Variants in ADAMTS6 observed in about 807,000 individuals in gnomAD.
ADAMTS6 encodes ADAM metallopeptidase with thrombospondin type 1 motif 6, also known as A disintegrin and metalloproteinase with thrombospondin motifs 6.
Under a neutral mutation model 144.3 loss-of-function variants are expected in ADAMTS6, and 23 were observed. That is an observed-to-expected ratio of 0.16 (90% CI 0.11 to 0.23). The LOEUF (loss-of-function observed/expected upper bound fraction) is 0.23, where lower values mean the gene tolerates loss of function less well. Among genes scored for constraint, ADAMTS6 ranks in the 10% least tolerant of loss-of-function variants. ADAMTS6 has a pLI of 1.00. For missense variants in ADAMTS6, 999 were observed against 1,379.6 expected (o/e 0.72, Z 4.37); for synonymous variants, 444 against 457.5 (o/e 0.97, Z 0.38).
intron 24 of ADAMTS6, 88 bp downstream of exon 24, chr5:65,170,529 G>A: frequency 6.9e-7 from 1 of 1,456,486 alleles, no homozygotes; most frequent in South Asian, 1.3e-5. Context: ...CTACACTACA[G>A]TAGTGGGTTT....
chr5:65,192,256 G>C (rs1241395095), intron 21 of ADAMTS6, among the ~76,000 whole-genome samples: 2 of 152,014 alleles, frequency 1.3e-5, no homozygotes, highest in Non-Finnish European at 2.9e-5. Flanking sequence ...GTACTTAACA[G>C]ATTTTGTCTT....
intron 18 of ADAMTS6, among the ~76,000 whole-genome samples, chr5:65,222,252 G>A (rs79514178): frequency 0.046 from 7,006 of 152,280 alleles, 209 homozygotes; most frequent in Middle Eastern, 0.078. Context: ...ACAGTGTGGT[G>A]TTGGTTTAAG....
chr5:65,422,465 T>A lies in ADAMTS6; in HGVS notation c.1073+29010A>T, dbSNP rs138794397. Among the ~76,000 whole-genome samples the A allele has an allele frequency of 2.4e-3, 369 of 152,056 alleles. 3 individuals are homozygous for A. Among genetic ancestry groups the A allele is most frequent in the African/African-American group, 8.6e-3 (358 of 41,526 alleles). ...GGTGAAACCCTGTTGCTACTAAAAA[T>A]ACAAAAATTAGTTGGGTGTGGTGGC... On this transcript the variant is annotated intron_variant, in intron 7 of 24. Coordinates refer to ENST00000381055, the MANE Select transcript of ADAMTS6 (RefSeq NM_197941.4).
At chr5:65,398,850 AAAAG>A (rs143026830) in intron 7 of ADAMTS6, among the ~76,000 whole-genome samples, 12 of 133,824 alleles carry the variant, frequency 9.0e-5, no homozygotes, top group East Asian at 7.1e-4. Flanking sequence ...GAAAGAAAGA[AAAAG>A]AAAGAGAAAG....
intron 9 of ADAMTS6, among the ~76,000 whole-genome samples, chr5:65,327,173 C>T (rs991884170): frequency 5.9e-5 from 9 of 152,142 alleles, no homozygotes; most frequent in Non-Finnish European, 1.0e-4. Flanking sequence ...ATGTGGTGCA[C>T]TGGCTCCTGC....
chr5:65,227,084 A>C (rs192174672), intron 15 of ADAMTS6, among the ~76,000 whole-genome samples: 500 of 152,338 alleles, frequency 3.3e-3, no homozygotes, highest in Non-Finnish European at 5.4e-3. Flanking sequence ...CATGGATATA[A>C]ATTTTTATGA....
At chr5:65,255,546 G>A (rs775658124) in intron 14 of ADAMTS6, among the ~76,000 whole-genome samples, 4 of 152,162 alleles carry the variant, frequency 2.6e-5, no homozygotes, top group Non-Finnish European at 4.4e-5. Context: ...CAGGGGAGGA[G>A]ATCCGGGGAC....
chr5:65,439,534 T>C (rs991951008), intron 7 of ADAMTS6, among the ~76,000 whole-genome samples: 1 of 152,016 alleles, frequency 6.6e-6, no homozygotes, highest in African/African-American at 2.4e-5. Flanking sequence ...AAATAAAAAA[T>C]TGCTATATAC....
At chr5:65,369,003 C>G (rs906560702) in intron 7 of ADAMTS6, among the ~76,000 whole-genome samples, 1 of 152,170 alleles carries the variant, frequency 6.6e-6, no homozygotes, top group African/African-American at 2.4e-5. Flanking sequence ...GGGCAGTGGG[C>G]TGAGATCAAG....
chr5:65,273,356 C>T lies in ADAMTS6; in HGVS notation c.1604G>A (p.Gly535Glu), dbSNP rs774784212. 4 of 1,612,634 alleles carry T rather than the reference C, an allele frequency of 2.5e-6. No individual in the cohort carries two copies. Among genetic ancestry groups the T allele is most frequent in the Non-Finnish European group, 3.4e-6 (4 of 1,179,400 alleles). Residue 535 changes from glycine to glutamate, a missense_variant, in exon 12 of 25, where the codon GGG becomes GAG. Gly to Glu is a moderately conservative substitution (Grantham distance 98). Around this residue, in one of 3 missense-constraint regions of ADAMTS6, gnomAD observed 619 missense variants for 837.0 expected, o/e 0.74. Coordinates refer to ENST00000381055, the MANE Select transcript of ADAMTS6 (RefSeq NM_197941.4). ...TGAGCTTACCCCTTTTTCAATATTC[C>T]CAGTTTGACACAGTGTCCCCTCAGC... ...PAAEGTLCQT[G>E]NIEKGWCYQG...
At chr5:65,164,555 T>C (rs1272667401) in intron 24 of ADAMTS6, among the ~76,000 whole-genome samples, 5 of 146,988 alleles carry the variant, frequency 3.4e-5, no homozygotes, top group South Asian at 2.2e-4. Context: ...TGCCTGCCTC[T>C]GTAGGCTCCA....
At chr5:65,189,395 G>A (rs552266787) in intron 21 of ADAMTS6, among the ~76,000 whole-genome samples, 5 of 152,136 alleles carry the variant, frequency 3.3e-5, no homozygotes, top group Non-Finnish European at 7.4e-5. Context: ...GGTCACAAAG[G>A]TGCATAAGAT....
At chr5:65,161,560 G>A (rs904460381) in intron 24 of ADAMTS6, among the ~76,000 whole-genome samples, 3 of 152,138 alleles carry the variant, frequency 2.0e-5, no homozygotes, top group South Asian at 2.1e-4. Context: ...TGTGCAAACT[G>A]CTCCACACAA....
chr5:65,281,504 A>T (rs1487181798), intron 11 of ADAMTS6, among the ~76,000 whole-genome samples: 1 of 152,160 alleles, frequency 6.6e-6, no homozygotes, highest in African/African-American at 2.4e-5. Context: ...TTCCAAATGT[A>T]ATATCAACAC....
rs761859139 is a variant in ADAMTS6 at position 65,351,156 on chromosome 5, GC to G, written c.1074-17072del. Among the ~76,000 whole-genome samples the G allele has an allele frequency of 6.6e-5, 10 of 152,122 alleles. 1 individual carries two copies. In the East Asian group the frequency reaches 9.6e-4, roughly 15 times the overall value. On this transcript the variant is annotated intron_variant, in intron 7 of 24. Transcript: ENST00000381055. Reference sequence around the variant, plus strand: ...GCCATATTTCTTTCCAATTCCAGTTGCCAATAATTTAACATTGGAAATCTAA... The same window carrying G: ...GCCATATTTCTTTCCAATTCCAGTTGCAATAATTTAACATTGGAAATCTAA...
At chr5:65,157,967 C>A (rs1462238475) in intron 24 of ADAMTS6, among the ~76,000 whole-genome samples, 1 of 152,108 alleles carries the variant, frequency 6.6e-6, no homozygotes, top group Non-Finnish European at 1.5e-5. Flanking sequence ...TAGACTAGAC[C>A]ATTCCTTTCT....
chr5:65,260,631 T>C lies in ADAMTS6; in HGVS notation c.1799A>G (p.Glu600Gly), dbSNP rs1446783533. The change falls in exon 14 of 25, where the codon GAA becomes GGA. Residue 600 changes from glutamate (E) to glycine (G), a missense_variant. By Grantham distance (98) the Glu-to-Gly change is moderately conservative. Around this residue, in one of 3 missense-constraint regions of ADAMTS6, gnomAD observed 619 missense variants for 837.0 expected, o/e 0.74. Transcript: ENST00000381055. ...PSGGGKYCLG[E>G]RKRYRSCNTD... ...GTTACAGGAGCGATACCGTTTCCTT[T>C]CCCCAAGGCAATATTTTCCACCTCC... The C allele has an allele frequency of 6.2e-7, 1 of 1,613,476 alleles. No homozygotes were observed. Among genetic ancestry groups the C allele is most frequent in the African/African-American group, 1.3e-5 (1 of 74,882 alleles).
At chr5:65,358,432 G>A (rs1435323174) in intron 7 of ADAMTS6, among the ~76,000 whole-genome samples, 1 of 151,846 alleles carries the variant, frequency 6.6e-6, no homozygotes, top group Non-Finnish European at 1.5e-5. Context: ...AATCAATATT[G>A]TCAAAATTTC....
intron 1 of ADAMTS6, among the ~76,000 whole-genome samples, chr5:65,477,116 C>A (rs1341675666): frequency 6.6e-6 from 1 of 152,074 alleles, no homozygotes; most frequent in Non-Finnish European, 1.5e-5. Flanking sequence ...TCTTGGTTTC[C>A]AACCTACTTA....
Sources: gnomAD v4.1 joint callset for allele counts (sites outside exome capture counted in the v4.1 genomes callset) on GRCh38, gnomAD v4.1.1 for gene constraint, gnomAD v4.1.1 regional missense constraint, MANE v1.5 for transcripts, NCBI Gene and HGNC (gene_info 2026-07-23, HGNC 2026-07-21) for gene names.